Variants in RPS6KA2 observed in about 807,000 individuals in gnomAD.
The protein encoded by RPS6KA2 is ribosomal protein S6 kinase alpha-2.
RPS6KA2 carries 42 observed loss-of-function variants against 91.8 expected under a neutral mutation model. The observed-to-expected ratio is 0.46, with a 90% confidence interval of 0.36 to 0.59. The LOEUF (loss-of-function observed/expected upper bound fraction) is 0.59. Ranked by LOEUF, RPS6KA2 falls within the 20% of genes least tolerant of loss-of-function variation. The pLI is 0.00. For missense variants in RPS6KA2, 798 were observed against 978.5 expected (o/e 0.82, Z 2.46); for synonymous variants, 414 against 393.6 (o/e 1.05, Z -0.61).
chr6:166,785,878 C>T (rs1324268279), intron 2 of RPS6KA2, among the ~76,000 whole-genome samples: 1 of 152,068 alleles, frequency 6.6e-6, no homozygotes, highest in Admixed American at 6.5e-5. Flanking sequence ...GATTTTTTAC[C>T]TTTCTTCCTT....
At chr6:166,708,305 C>T (rs1411763392) in intron 2 of RPS6KA2, among the ~76,000 whole-genome samples, 7 of 152,020 alleles carry the variant, frequency 4.6e-5, no homozygotes, top group African/African-American at 1.5e-4. Context: ...TATTTATTGA[C>T]CACTCTTCAC....
chr6:166,831,266 C>T (rs377592643), intron 2 of RPS6KA2, among the ~76,000 whole-genome samples: 215 of 152,298 alleles, frequency 1.4e-3, no homozygotes, highest in African/African-American at 4.7e-3. Flanking sequence ...GGCTGCTCCA[C>T]GCATCCAGGA....
At position 166,508,624 on chromosome 6, in the gene RPS6KA2, G is replaced by T. The variant is rs544007662; in HGVS notation, c.380-342C>A. Among the ~76,000 whole-genome samples, 1 of 152,238 alleles carries T rather than the reference G, an allele frequency of 6.6e-6. No homozygotes were observed. Among genetic ancestry groups the T allele is most frequent in the African/African-American group, 2.4e-5 (1 of 41,538 alleles). ...GCTGGTATCGTTGCTGGCTTTTGTC[G>T]TAATGCATTAGTGAGCAGCCTGAAG... On this transcript the variant is annotated intron_variant, in intron 4 of 20. Transcript: ENST00000265678. This position sits in a 1 kb window ranked among gnomAD's most constrained non-coding sequence, Gnocchi z 4.3.
intron 15 of RPS6KA2, 37 bp from the exon 16 acceptor site, chr6:166,430,648 C>T (rs1779094915): frequency 6.3e-7 from 1 of 1,582,066 alleles, no homozygotes; most frequent in Non-Finnish European, 8.6e-7. Context: ...GTCACCACGG[C>T]TGGTTGCTGT....
chr6:166,841,569 G>A (rs1019529891), intron 2 of RPS6KA2, among the ~76,000 whole-genome samples: 7 of 152,272 alleles, frequency 4.6e-5, no homozygotes, highest in Non-Finnish European at 1.0e-4. Context: ...GAAAAACTCA[G>A]CAGGTCTGAG....
intron 12 of RPS6KA2, among the ~76,000 whole-genome samples, chr6:166,453,371 C>T (rs1240495834): frequency 1.3e-5 from 2 of 152,060 alleles, no homozygotes; most frequent in African/African-American, 2.4e-5. Context: ...AACTCAACAA[C>T]AACAACAAAA....
At chr6:166,723,193 G>A (rs148862930) in intron 2 of RPS6KA2, among the ~76,000 whole-genome samples, 3 of 152,342 alleles carry the variant, frequency 2.0e-5, no homozygotes, top group East Asian at 1.9e-4. Flanking sequence ...TGCCTCGAAC[G>A]TTTCCTAGCC....
chr6:166,504,699 T>C, intron 5 of RPS6KA2, 87 bp from the exon 6 acceptor site: 1 of 923,520 alleles, frequency 1.1e-6, no homozygotes, highest in South Asian at 1.6e-5. Flanking sequence ...CCAGAGAGAC[T>C]GAGAGTCCAC....
In RPS6KA2 at chr6:166,418,869, A is replaced by T. The variant is rs1778629158; in HGVS notation, c.1821-527T>A. On this transcript the variant is annotated intron_variant, in intron 18 of 20. Transcript: ENST00000265678. This position sits in a 1 kb window ranked among gnomAD's most constrained non-coding sequence, Gnocchi z 4.9. ...TGTTCATGGTGTCCCACCTTAAAAC[A>T]CACCCACACACTCCTAGGAAAGGAA... Among the ~76,000 whole-genome samples the T allele has an allele frequency of 6.6e-6, 1 of 152,222 alleles. No individual in the cohort carries two copies. Among genetic ancestry groups the T allele is most frequent in the South Asian group, 2.1e-4 (1 of 4,834 alleles).
At chr6:166,773,391 T>TTTTTG (rs886585505) in intron 2 of RPS6KA2, among the ~76,000 whole-genome samples, 5 of 151,920 alleles carry the variant, frequency 3.3e-5, no homozygotes, top group Admixed American at 1.3e-4. Flanking sequence ...TTTTCGTTTT[T>TTTTTG]TTTTGTTTTG....
chr6:166,661,890 C>T (rs1275374532), intron 2 of RPS6KA2, among the ~76,000 whole-genome samples: 2 of 152,154 alleles, frequency 1.3e-5, no homozygotes, highest in Non-Finnish European at 2.9e-5. Flanking sequence ...GGAGGAGCTT[C>T]TTTACCCATA....
intron 2 of RPS6KA2, among the ~76,000 whole-genome samples, chr6:166,773,228 T>C (rs1778523157): frequency 6.6e-6 from 1 of 151,770 alleles, no homozygotes; most frequent in African/African-American, 2.4e-5. Flanking sequence ...ACTGTGCAGG[T>C]TGGAGAAGGA....
intron 1 of RPS6KA2, among the ~76,000 whole-genome samples, chr6:166,556,957 G>A (rs536433002): frequency 2.0e-4 from 30 of 152,348 alleles, no homozygotes; most frequent in Admixed American, 1.3e-3. Context: ...GACTCAGTGT[G>A]TAGCTGGTGT....
In RPS6KA2 at chr6:166,508,147, C is replaced by G; in HGVS notation, c.459+56G>C. 8.6e-7 allele frequency: 1 copy of G among 1,159,580 alleles called. No homozygotes were observed. The highest frequency in any genetic ancestry group is 1.8e-5 in the Admixed American group (1 of 55,602). 71.8% of individuals were successfully genotyped at this position (1,159,580 alleles called of 1,614,324 possible). ...CAATGCTCTCCACCCCTCCTCCCCT[C>G]GAGTCCCAGACAGAAGCTCCTGCCC... On this transcript the variant is annotated intron_variant, in intron 5 of 20. Transcript: ENST00000265678. The surrounding 1 kb of genome is among the most constrained non-coding windows in gnomAD (Gnocchi z 4.3).
intron 1 of RPS6KA2, among the ~76,000 whole-genome samples, chr6:166,596,833 T>C (rs1005948395): frequency 6.6e-6 from 1 of 152,148 alleles, no homozygotes; most frequent in Non-Finnish European, 1.5e-5. Context: ...GGCCTGAATA[T>C]GGGAGACAAA....
At chr6:166,522,687 A>G (rs1040703340) in intron 3 of RPS6KA2, among the ~76,000 whole-genome samples, 1 of 152,212 alleles carries the variant, frequency 6.6e-6, no homozygotes, top group Non-Finnish European at 1.5e-5. Flanking sequence ...AGTCTCCCAG[A>G]TGCAGAATAA....
chr6:166,640,026 C>T (rs904326738), intron 2 of RPS6KA2, among the ~76,000 whole-genome samples: 4 of 152,174 alleles, frequency 2.6e-5, no homozygotes, highest in Non-Finnish European at 4.4e-5. Flanking sequence ...TTCTGTGACA[C>T]ATTTATCTAC....
At chr6:166,850,194 G>A (rs1298096424) in intron 2 of RPS6KA2, among the ~76,000 whole-genome samples, 1 of 117,474 alleles carries the variant, frequency 8.5e-6, no homozygotes, top group East Asian at 2.1e-4. Flanking sequence ...TACATTACAA[G>A]GGTACAAGGA....
At chr6:166,697,033 A>G (rs1285897463) in intron 2 of RPS6KA2, among the ~76,000 whole-genome samples, 1 of 151,592 alleles carries the variant, frequency 6.6e-6, no homozygotes, top group Non-Finnish European at 1.5e-5. Context: ...AATTCCTTAC[A>G]ATAAAATCTG....
Sources: gnomAD v4.1 joint callset for allele counts (sites outside exome capture counted in the v4.1 genomes callset) on GRCh38, gnomAD v4.1.1 for gene constraint, Gnocchi (gnomAD v3.1) non-coding constraint, MANE v1.5 for transcripts, NCBI Gene and HGNC (gene_info 2026-07-23, HGNC 2026-07-21) for gene names.